ACOXL: variants seen among roughly 807,000 people sequenced by gnomAD.
The protein encoded by ACOXL is acyl-CoA oxidase like.
In ACOXL, 70 loss-of-function variants were observed where a neutral mutation model predicts 71.9. The ratio of observed to expected loss-of-function variants is 0.97; its 90% CI spans 0.80 to 1.19. The LOEUF is 1.19. Ranked by LOEUF, ACOXL falls within the 50% of genes most tolerant of loss-of-function variation. The pLI, the probability that ACOXL is intolerant of heterozygous loss-of-function variation, is 0.00. For synonymous variants in ACOXL, 253 were observed against 281.6 expected, an observed-to-expected ratio of 0.90 and a Z score of 1.02; for missense variants, 703 against 736.3, an observed-to-expected ratio of 0.95 and a Z score of 0.52.
At chr2:110,820,314 G>A (rs1409560573) in intron 9 of ACOXL, among the ~76,000 whole-genome samples, 1 of 152,162 alleles carries the variant, frequency 6.6e-6, no homozygotes, top group Non-Finnish European at 1.5e-5. Flanking sequence ...GCTAGGGAGA[G>A]GAAGTTAACT....
At chr2:110,963,173 A>G (rs753421960) in intron 12 of ACOXL, among the ~76,000 whole-genome samples, 1 of 152,182 alleles carries the variant, frequency 6.6e-6, no homozygotes, top group South Asian at 2.1e-4. Context: ...AATTTAAGAC[A>G]TTTATGCTGC....
chr2:110,828,752 G>T (rs1025219813), intron 9 of ACOXL, among the ~76,000 whole-genome samples: 5 of 152,112 alleles, frequency 3.3e-5, no homozygotes, highest in African/African-American at 1.2e-4. Context: ...GGTGGGCTGG[G>T]GGGTGGAATT....
chr2:111,063,516 A>G (rs962797639), intron 16 of ACOXL, among the ~76,000 whole-genome samples: 1 of 151,952 alleles, frequency 6.6e-6, no homozygotes, highest in African/African-American at 2.4e-5. Flanking sequence ...GAAAAAGAGA[A>G]AAAAAAATCA....
At chr2:110,993,108 A>T (rs2063245857) in intron 13 of ACOXL, among the ~76,000 whole-genome samples, 1 of 152,238 alleles carries the variant, frequency 6.6e-6, no homozygotes, top group South Asian at 2.1e-4. Context: ...ATAATTTAGC[A>T]TGAGCGTCAT....
chr2:110,933,371 A>C, intron 11 of ACOXL, 118 bp from the exon 12 acceptor site: 4 of 1,263,896 alleles, frequency 3.2e-6, no homozygotes, highest in Non-Finnish European at 4.3e-6. Context: ...TAAAATCTGC[A>C]TCACTGACAT....
chr2:110,904,925 G>C (rs1296500306), intron 10 of ACOXL, among the ~76,000 whole-genome samples: 1 of 152,096 alleles, frequency 6.6e-6, no homozygotes, highest in East Asian at 1.9e-4. Context: ...AGCGGGAATG[G>C]GGTCCTGAAC....
chr2:110,784,588 T>A (rs921615736), intron 2 of ACOXL, 144 bp from the exon 3 acceptor site: 3 of 559,742 alleles, frequency 5.4e-6, no homozygotes, highest in African/African-American at 2.0e-5. Context: ...AGTAGAATGA[T>A]GGAATTGTTT....
chr2:110,992,533 C>T (rs1318505909), intron 13 of ACOXL, among the ~76,000 whole-genome samples: 2 of 152,162 alleles, frequency 1.3e-5, no homozygotes, highest in South Asian at 2.1e-4. Flanking sequence ...CTTCCTGGTA[C>T]CCTTAAATCC....
intron 1 of ACOXL, among the ~76,000 whole-genome samples, chr2:110,757,957 A>G (rs959046338): frequency 1.3e-5 from 2 of 152,088 alleles, no homozygotes; most frequent in African/African-American, 2.4e-5. Flanking sequence ...TCATTATAAA[A>G]TCTTTGCCCA....
intron 10 of ACOXL, among the ~76,000 whole-genome samples, chr2:110,865,552 G>A (rs754848132): frequency 5.3e-5 from 8 of 152,164 alleles, no homozygotes; most frequent in Non-Finnish European, 1.2e-4. Context: ...GAAGAAAGGA[G>A]CATTTGTGAT....
chr2:111,035,809 C>G (rs2065484054), intron 15 of ACOXL, among the ~76,000 whole-genome samples: 1 of 152,174 alleles, frequency 6.6e-6, no homozygotes, highest in Non-Finnish European at 1.5e-5. Flanking sequence ...TGTATGTTAT[C>G]CATTAGTGCT....
chr2:110,912,892 T>C (rs1379201715), intron 11 of ACOXL, among the ~76,000 whole-genome samples: 21 of 152,168 alleles, frequency 1.4e-4, no homozygotes, highest in Non-Finnish European at 1.5e-5. Context: ...AGAACATACA[T>C]GAATTCTTTC....
chr2:110,883,667 A>G (rs570682361), intron 10 of ACOXL, among the ~76,000 whole-genome samples: 1 of 152,266 alleles, frequency 6.6e-6, no homozygotes, highest in Admixed American at 6.5e-5. Context: ...CTTAACACAC[A>G]CAACTCTAAG....
At chr2:111,081,756 T>C (rs71431144) in intron 16 of ACOXL, among the ~76,000 whole-genome samples, 13,106 of 152,214 alleles carry the variant, frequency 0.086, 657 homozygotes, top group Non-Finnish European at 0.11. Context: ...GGCATCACAC[T>C]ACCTGACTTC....
At chr2:110,790,484 G>A (rs1369673978) in intron 3 of ACOXL, among the ~76,000 whole-genome samples, 2 of 152,150 alleles carry the variant, frequency 1.3e-5, no homozygotes, top group Non-Finnish European at 2.9e-5. Flanking sequence ...TGTCATAGCT[G>A]TCCTTTTTCT....
At chr2:110,851,354 A>C (rs1375579971) in intron 10 of ACOXL, among the ~76,000 whole-genome samples, 1 of 152,040 alleles carries the variant, frequency 6.6e-6, no homozygotes. Context: ...GGCCGTGTTG[A>C]CACTTTTTCC....
At chr2:110,996,057 C>T in intron 14 of ACOXL, 53 bp downstream of exon 14, 1 of 1,411,466 alleles carries the variant, frequency 7.1e-7, no homozygotes, top group Non-Finnish European at 1.0e-6. Flanking sequence ...TAAGGGATAT[C>T]CTTGCTGGTG....
chr2:111,083,609 C>A (rs914495726), intron 16 of ACOXL, among the ~76,000 whole-genome samples: 1 of 151,236 alleles, frequency 6.6e-6, no homozygotes, highest in African/African-American at 2.4e-5. Context: ...ATTCATATGA[C>A]TGACCTCAGC....
chr2:110,813,830 A>G lies in ACOXL; in HGVS notation c.753+8435A>G, dbSNP rs539104113. Among the ~76,000 whole-genome samples the G allele has an allele frequency of 7.2e-5, 11 of 152,280 alleles. No homozygotes were observed. In the East Asian group the frequency reaches 1.7e-3, roughly 24 times the overall value. ...AGGGACAATTTTCTGAGCACCTCAC[A>G]TATAATTGTTTATTTCATCACCAGA... On this transcript the variant is annotated intron_variant, in intron 9 of 17. Transcript: ENST00000439055.
Sources: gnomAD v4.1 joint callset for allele counts (sites outside exome capture counted in the v4.1 genomes callset) on GRCh38, gnomAD v4.1.1 for gene constraint, MANE v1.5 for transcripts, NCBI Gene and HGNC (gene_info 2026-07-23, HGNC 2026-07-21) for gene names.